The following SCARF1 variants were observed in gnomAD, a reference collection of about 807,000 sequenced individuals.
SCARF1 encodes the protein acetyl LDL receptor.
Under a neutral mutation model 76.3 loss-of-function variants are expected in SCARF1, and 49 were observed. The observed-to-expected ratio is 0.64, with a 90% CI of 0.51 to 0.81. The LOEUF is 0.81. SCARF1 is among the 40% of genes least tolerant of loss of function. SCARF1 has a pLI of 0.00. For synonymous variants in SCARF1, 495 were observed against 474.6 expected, an observed-to-expected ratio of 1.04 and a Z score of -0.56; for missense variants, 1,098 against 1,143.9, an observed-to-expected ratio of 0.96 and a Z score of 0.58.
In SCARF1 at chr17:1,645,435, A is replaced by G; in HGVS notation, c.101+162T>C. On this transcript the variant is annotated intron_variant, in intron 1 of 10. Coordinates refer to ENST00000263071, the MANE Select transcript of SCARF1 (RefSeq NM_003693.4). The surrounding 1 kb of genome is among the most constrained non-coding windows in gnomAD (Gnocchi z 6.3). ...CTTCCACCATCTGCCCTGGCTGGCC[A>G]CTACCTGCCAGACCGCCATCAGCAG... The G allele has an allele frequency of 6.7e-7, 1 of 1,487,222 alleles. No homozygotes were observed. The highest frequency in any genetic ancestry group is 9.0e-7 in the Non-Finnish European group (1 of 1,111,708). The allele number at this position is 1,487,222 out of a possible 1,614,324, so 92.1% of individuals were successfully genotyped here. A position where few individuals can be genotyped will look rare whatever the true frequency, so the allele number is the denominator to read the frequency against.
Position 1,640,288 on chromosome 17 carries a change from C to T in SCARF1, c.1010+160G>A, listed in dbSNP as rs1026776346. On this transcript the variant is annotated intron_variant, in intron 5 of 10. Coordinates refer to ENST00000263071, the MANE Select transcript of SCARF1 (RefSeq NM_003693.4). The surrounding 1 kb of genome is among the most constrained non-coding windows in gnomAD (Gnocchi z 4.7). ...AGGGAGCTGGGATCCTGCCCAGGCC[C>T]CCCCAGAACCCACTGCTCTCCCCCA... is the stretch of plus-strand genomic sequence containing the variant. The T allele has an allele frequency of 2.0e-5, 16 of 798,822 alleles. No homozygotes were observed. Among genetic ancestry groups the T allele is most frequent in the Admixed American group, 8.6e-5 (3 of 34,926 alleles). The allele number at this position is 798,822 out of a possible 1,614,324, so 49.5% of individuals were successfully genotyped here. A position where few individuals can be genotyped will look rare whatever the true frequency, so the allele number is the denominator to read the frequency against.
chr17:1,641,784 C>T (rs1325455229), intron 4 of SCARF1, among the ~76,000 whole-genome samples: 2 of 152,154 alleles, frequency 1.3e-5, no homozygotes, highest in South Asian at 2.1e-4. Context: ...TGCAGTGGCG[C>T]GATCTTGGCT....
intron 7 of SCARF1, 125 bp downstream of exon 7, chr17:1,639,509 GAAAAA>G (rs34632795): frequency 9.4e-4 from 529 of 564,542 alleles, no homozygotes; most frequent in Non-Finnish European, 1.1e-3. Flanking sequence ...CGTCTTAAGG[GAAAAA>G]AAAAAAAAAA....
At chr17:1,636,463 A>G (rs979152647) in intron 10 of SCARF1, among the ~76,000 whole-genome samples, 3 of 152,094 alleles carry the variant, frequency 2.0e-5, no homozygotes, top group Non-Finnish European at 2.9e-5. Flanking sequence ...AAATATAAAA[A>G]TTAGCCGTGT....
chr17:1,645,542 G>T lies in SCARF1; in HGVS notation c.101+55C>A. ...AACACCGGTTCAGCCACCCGCATCA[G>T]ACTCCCACGAGACCCACCTGCTGGC... On this transcript the variant is annotated intron_variant, in intron 1 of 10. Transcript: ENST00000263071. This position sits in a 1 kb window ranked among gnomAD's most constrained non-coding sequence, Gnocchi z 6.3. The T allele has an allele frequency of 6.4e-7, 1 of 1,569,856 alleles. No individual in the cohort carries two copies.
intron 4 of SCARF1, 67 bp downstream of exon 4, chr17:1,643,375 G>T: frequency 1.2e-5 from 1 of 80,752 alleles, no homozygotes; most frequent in Non-Finnish European, 2.2e-5. Context: ...TCTCCGCCCC[G>T]CCCCGCCTGC....
chr17:1,639,850 G>A, intron 6 of SCARF1, 62 bp downstream of exon 6: 1 of 1,609,180 alleles, frequency 6.2e-7, no homozygotes. Context: ...TTCAGGAAAT[G>A]CTGCACAGAG....
chr17:1,635,106 G>T lies in SCARF1; in HGVS notation c.2145C>A (p.Phe715Leu). 1 of 1,613,938 alleles carries T rather than the reference G, an allele frequency of 6.2e-7. No homozygotes were observed. The change falls in exon 11 of 11, where the codon TTC (phenylalanine) becomes TTA (leucine). Residue 715 changes from phenylalanine to leucine, a missense_variant. Phe to Leu is a conservative substitution (Grantham distance 22). Coordinates refer to ENST00000263071, the MANE Select transcript of SCARF1 (RefSeq NM_003693.4). ...VRSVFRHFGS[F>L]QKGQAEAKVK... ...CCTTGGCTTCCGCCTGGCCTTTCTG[G>T]AAGCTACCAAAATGGCGGAAGACAG...
At position 1,636,840 on chromosome 17, in the gene SCARF1, G is replaced by C; in HGVS notation, c.1502C>G (p.Pro501Arg). Reference protein sequence around the residue: ...LPWVTVSHHDPEVPFNHSFIE... With the variant: ...LPWVTVSHHDREVPFNHSFIE... ...GAAGCTGTGGTTGAAGGGGACCTCC[G>C]GGTCGTGATGTGAGACTGTAGAGAC... Residue 501 changes from proline to arginine, a missense_variant, in exon 10 of 11, where the codon CCG (proline) becomes CGG (arginine). Transcript: ENST00000263071. 1 of 1,614,036 alleles carries C rather than the reference G, an allele frequency of 6.2e-7. No homozygotes were observed. The highest frequency in any genetic ancestry group is 8.5e-7 in the Non-Finnish European group (1 of 1,179,984).
Position 1,639,885 on chromosome 17 carries a change from T to G in SCARF1, c.1139+27A>C, listed in dbSNP as rs1267478976. 3.1e-6 allele frequency: 5 copies of G among 1,612,050 alleles called. No homozygotes were observed. In the Admixed American group the frequency reaches 6.7e-5, roughly 22 times the overall value. ...GCCCTGACCTAGGCCCCTGGCACTC[T>G]CCCGCCCCCGGGATCCCCATCCTTA... On this transcript the variant is annotated intron_variant, in intron 6 of 10. Transcript: ENST00000263071.
In SCARF1 at chr17:1,640,732, C is replaced by G. The variant is rs1909983719; in HGVS notation, c.792-66G>C. 3 of 1,467,124 alleles carry G rather than the reference C, an allele frequency of 2.0e-6. No homozygotes were observed. Among genetic ancestry groups the G allele is most frequent in the Non-Finnish European group, 2.8e-6 (3 of 1,066,966 alleles). The allele number at this position is 1,467,124 out of a possible 1,614,324, so 90.9% of individuals were successfully genotyped here. A position where few individuals can be genotyped will look rare whatever the true frequency, so the allele number is the denominator to read the frequency against. Reference sequence around the variant, plus strand: ...GGATGGAGCGCCCACCCCCTCCTACCCCTGTACTCCACGCAGGCCTTCGGG... The same window carrying G: ...GGATGGAGCGCCCACCCCCTCCTACGCCTGTACTCCACGCAGGCCTTCGGG... On this transcript the variant is annotated intron_variant, in intron 4 of 10. Transcript: ENST00000263071. This position sits in a 1 kb window ranked among gnomAD's most constrained non-coding sequence, Gnocchi z 4.7.
In SCARF1 at chr17:1,644,645, C is replaced by T. The variant is rs977549420; in HGVS notation, c.265+189G>A. On this transcript the variant is annotated intron_variant, in intron 3 of 10. Coordinates refer to ENST00000263071, the MANE Select transcript of SCARF1 (RefSeq NM_003693.4). This position sits in a 1 kb window ranked among gnomAD's most constrained non-coding sequence, Gnocchi z 4.8. ...TGCTTTGTGGATGTGGGTAAAAACC[C>T]GGTGACTCAGGTCATCTCCCGGGAG... 2.0e-5 allele frequency: 12 copies of T among 614,814 alleles called. No individual in the cohort carries two copies. In the Admixed American group the frequency reaches 2.8e-4, roughly 14 times the overall value. 38.1% of individuals were successfully genotyped at this position (614,814 alleles called of 1,614,324 possible).
chr17:1,642,220 C>T (rs1278580074), intron 4 of SCARF1, among the ~76,000 whole-genome samples: 1 of 151,378 alleles, frequency 6.6e-6, no homozygotes, highest in Non-Finnish European at 1.5e-5. Flanking sequence ...TTTTAGGGTA[C>T]ATGTGCACAT....
chr17:1,635,406 C>T lies in SCARF1; in HGVS notation c.1845G>A (p.Lys615=). The T allele has an allele frequency of 6.2e-7, 1 of 1,613,892 alleles. No homozygotes were observed. The highest frequency in any genetic ancestry group is 8.5e-7 in the Non-Finnish European group (1 of 1,179,868). ...GCGCCCCCCGGGAGAGCCTCTTGGG[C>T]TTTCGGAGCGGGCTGGAGAGCTCCC... ...SSGELSSPLR[K]PKRLSRGAQS... is the part of the protein sequence containing the mutation. Residue 615 remains lysine, a synonymous_variant, in exon 11 of 11, where the codon AAG becomes AAA. Coordinates refer to ENST00000263071, the MANE Select transcript of SCARF1 (RefSeq NM_003693.4).
In SCARF1 at chr17:1,643,549, G is replaced by C. The variant is rs541781641; in HGVS notation, c.684C>G (p.Gly228=). 1.2e-4 allele frequency: 169 copies of C among 1,452,310 alleles called. No homozygotes were observed. In the South Asian group the frequency reaches 2.1e-3, roughly 18 times the overall value. 90.0% of individuals were successfully genotyped at this position (1,452,310 alleles called of 1,614,324 possible). A position where few individuals can be genotyped will look rare whatever the true frequency, so the allele number is the denominator to read the frequency against. Residue 228 remains glycine (G), a synonymous_variant, in exon 4 of 11, where the codon GGC becomes GGG. Transcript: ENST00000263071. ...ACTCGCCGGAGGCGGCGCTGCAGCG[G>C]CCCCGCACACACTCGCACTGCTGCT... ...ECQQQCECVR[G]RCSAASGECT...
rs902583912 is a variant in SCARF1 at position 1,640,178 on chromosome 17, T to C, written c.1011-138A>G. 29 of 1,061,754 alleles carry C rather than the reference T, an allele frequency of 2.7e-5. No homozygotes were observed. The Admixed American group carries it at 5.0e-4, about 18-fold the overall frequency. 65.8% of individuals were successfully genotyped at this position (1,061,754 alleles called of 1,614,324 possible). On this transcript the variant is annotated intron_variant, in intron 5 of 10. Transcript: ENST00000263071. The surrounding 1 kb of genome is among the most constrained non-coding windows in gnomAD (Gnocchi z 4.7). Reference sequence around the variant, plus strand: ...CTCAGCAGTGAAGCTCAGGTGCAAATAGGGCCTTGAACTTGGGGCCAAATC... The same window carrying C: ...CTCAGCAGTGAAGCTCAGGTGCAAACAGGGCCTTGAACTTGGGGCCAAATC...
At position 1,640,146 on chromosome 17, in the gene SCARF1, G is replaced by A. The variant is rs1909918500; in HGVS notation, c.1011-106C>T. On this transcript the variant is annotated intron_variant, in intron 5 of 10. Coordinates refer to ENST00000263071, the MANE Select transcript of SCARF1 (RefSeq NM_003693.4). The surrounding 1 kb of genome is among the most constrained non-coding windows in gnomAD (Gnocchi z 4.7). ...GCTCCTGGACTCAAGGACCCAACTG[G>A]CCACTCCTCAGCAGTGAAGCTCAGG... is the stretch of plus-strand genomic sequence containing the variant. 2 of 1,363,086 alleles carry A rather than the reference G, an allele frequency of 1.5e-6. No homozygotes were observed. The highest frequency in any genetic ancestry group is 2.3e-5 in the Admixed American group (1 of 44,006). 84.4% of individuals were successfully genotyped at this position (1,363,086 alleles called of 1,614,324 possible).
At chr17:1,639,274 G>A (rs1431572629) in intron 7 of SCARF1, among the ~76,000 whole-genome samples, 1 of 152,224 alleles carries the variant, frequency 6.6e-6, no homozygotes, top group African/African-American at 2.4e-5. Flanking sequence ...GGGAGGCCGA[G>A]GTGGGCAGAT....
At position 1,643,868 on chromosome 17, in the gene SCARF1, G is replaced by A. The variant is rs940393137; in HGVS notation, c.365C>T (p.Ala122Val). 8 of 1,298,402 alleles carry A rather than the reference G, an allele frequency of 6.2e-6. No individual in the cohort carries two copies. The African/African-American group carries it at 9.3e-5, about 15-fold the overall frequency. The allele number at this position is 1,298,402 out of a possible 1,614,324, so 80.4% of individuals were successfully genotyped here. ...CTCGCAGCGGGCTCCCCAGCGGTCG[G>A]CCTGGCACTGGCACGCGCCCGTGGC... ...EPATGACQCQ[A>V]DRWGARCEFP... Residue 122 changes from alanine (A) to valine (V), a missense_variant, in exon 4 of 11, where the codon GCC becomes GTC. Coordinates refer to ENST00000263071, the MANE Select transcript of SCARF1 (RefSeq NM_003693.4).
Sources: allele counts gnomAD v4.1 joint callset (sites outside exome capture counted in the v4.1 genomes callset), GRCh38; gene constraint gnomAD v4.1.1; non-coding constraint Gnocchi (gnomAD v3.1); transcripts MANE v1.5; gene names NCBI Gene and HGNC (gene_info 2026-07-23, HGNC 2026-07-21).